Variants in MAGI2 observed in about 807,000 individuals in gnomAD.
MAGI2 encodes membrane associated guanylate kinase, WW and PDZ domain containing 2, also known as membrane-associated guanylate kinase, WW and PDZ domain-containing protein 2.
In MAGI2, 35 loss-of-function variants were observed where a neutral mutation model predicts 133.3. That is an observed-to-expected ratio of 0.26 (90% confidence interval 0.20 to 0.35). MAGI2 has a LOEUF of 0.35. Among genes scored for constraint, MAGI2 ranks in the 10% least tolerant of loss-of-function variants. The probability of loss-of-function intolerance (pLI) is 1.00; values close to 1 mark genes in which losing one functional copy is unlikely to be tolerated. For missense variants in MAGI2, 1,636 were observed against 1,863.4 expected (o/e 0.88, Z 2.25); for synonymous variants, 729 against 710.6 (o/e 1.03, Z -0.41).
intron 21 of MAGI2, among the ~76,000 whole-genome samples, chr7:78,068,536 G>A (rs996333534): frequency 5.3e-5 from 8 of 152,080 alleles, no homozygotes; most frequent in Non-Finnish European, 1.0e-4. Flanking sequence ...ATGGGGGCAG[G>A]GAGTATATGG....
chr7:79,005,014 A>T (rs892462613), intron 2 of MAGI2, among the ~76,000 whole-genome samples: 4 of 151,784 alleles, frequency 2.6e-5, no homozygotes, highest in African/African-American at 9.7e-5. Flanking sequence ...CCTGGGAGGC[A>T]GAGGTTGCAG....
intron 2 of MAGI2, among the ~76,000 whole-genome samples, chr7:78,689,673 T>TGGA (rs1226909705): frequency 1.4e-5 from 2 of 142,732 alleles, no homozygotes; most frequent in Admixed American, 1.5e-4. Flanking sequence ...TGTATCTTTT[T>TGGA]GGATCTGGCT....
chr7:78,731,152 C>A (rs1821335192), intron 2 of MAGI2, among the ~76,000 whole-genome samples: 1 of 151,960 alleles, frequency 6.6e-6, no homozygotes, highest in South Asian at 2.1e-4. Flanking sequence ...CCATTGAAGT[C>A]TTTTTTAGGT....
At chr7:78,396,295 A>G (rs772799130) in intron 6 of MAGI2, among the ~76,000 whole-genome samples, 1 of 152,168 alleles carries the variant, frequency 6.6e-6, no homozygotes, top group Non-Finnish European at 1.5e-5. Flanking sequence ...CACAGAGACT[A>G]CAGGGTCTTC....
chr7:79,115,401 G>A (rs1819304817), intron 1 of MAGI2, among the ~76,000 whole-genome samples: 1 of 152,062 alleles, frequency 6.6e-6, no homozygotes. Flanking sequence ...GAAATAGAAG[G>A]TGCTCTGTTC....
chr7:78,674,002 C>G (rs2151079013), intron 2 of MAGI2, among the ~76,000 whole-genome samples: 1 of 152,222 alleles, frequency 6.6e-6, no homozygotes, highest in Middle Eastern at 3.4e-3. Flanking sequence ...CAAACACAAA[C>G]ACAGTCTATG....
chr7:78,628,490 A>G (rs915115728), intron 2 of MAGI2, among the ~76,000 whole-genome samples: 1 of 152,128 alleles, frequency 6.6e-6, no homozygotes, highest in African/African-American at 2.4e-5. Flanking sequence ...TAAAATCTGG[A>G]CTGCAACTGA....
chr7:78,452,387 G>T (rs1209205308), intron 6 of MAGI2, among the ~76,000 whole-genome samples: 1 of 151,904 alleles, frequency 6.6e-6, no homozygotes, highest in Non-Finnish European at 1.5e-5. Flanking sequence ...GAAAACTGTG[G>T]AGCACAGTAT....
At chr7:78,752,502 CTGAGGCAGGA>C (rs980295600) in intron 2 of MAGI2, among the ~76,000 whole-genome samples, 2 of 152,116 alleles carry the variant, frequency 1.3e-5, no homozygotes, top group African/African-American at 4.8e-5. Context: ...ACTTGGGAGG[CTGAGGCAGGA>C]GAACTGCTTG....
At chr7:79,447,039 A>G (rs1052877812) in intron 1 of MAGI2, among the ~76,000 whole-genome samples, 1 of 152,274 alleles carries the variant, frequency 6.6e-6, no homozygotes, top group African/African-American at 2.4e-5. Flanking sequence ...AAAGAAGGAA[A>G]CTTTTATTGT....
chr7:78,441,528 G>T (rs1220892243), intron 6 of MAGI2, among the ~76,000 whole-genome samples: 1 of 152,106 alleles, frequency 6.6e-6, no homozygotes, highest in Non-Finnish European at 1.5e-5. Context: ...GGTTACCTAA[G>T]CTGTTTGTAA....
intron 6 of MAGI2, among the ~76,000 whole-genome samples, chr7:78,378,305 A>G (rs974198317): frequency 3.3e-5 from 5 of 152,042 alleles, no homozygotes; most frequent in African/African-American, 4.8e-5. Flanking sequence ...TGGAATACAT[A>G]AAGAAGAAGA....
chr7:79,209,104 G>T (rs1829293281), intron 1 of MAGI2, among the ~76,000 whole-genome samples: 1 of 151,874 alleles, frequency 6.6e-6, no homozygotes, highest in South Asian at 2.1e-4. Flanking sequence ...GAGACCTATT[G>T]TACAACATGG....
chr7:78,253,385 G>A (rs1792631282), intron 10 of MAGI2: 1 of 152,184 alleles, frequency 6.6e-6, no homozygotes, highest in South Asian at 2.1e-4. Context: ...GGTTACCTGG[G>A]GTTTGGGAGA....
intron 2 of MAGI2, among the ~76,000 whole-genome samples, chr7:78,675,354 C>G (rs562942313): frequency 1.6e-4 from 24 of 151,862 alleles, no homozygotes; most frequent in African/African-American, 5.8e-4. Flanking sequence ...ATGATACAGA[C>G]AGCAAGAATA....
At chr7:79,201,657 T>A in intron 1 of MAGI2, among the ~76,000 whole-genome samples, 1 of 151,964 alleles carries the variant, frequency 6.6e-6, no homozygotes. Flanking sequence ...AAGTTTGGGT[T>A]TGTTAACCCA....
At chr7:78,480,596 A>T (rs542300861) in intron 6 of MAGI2, among the ~76,000 whole-genome samples, 2 of 152,094 alleles carry the variant, frequency 1.3e-5, no homozygotes, top group South Asian at 2.1e-4. Context: ...AAATCACTCA[A>T]TGTAATCTAC....
At chr7:78,387,659 T>A (rs902899963) in intron 6 of MAGI2, among the ~76,000 whole-genome samples, 17 of 152,126 alleles carry the variant, frequency 1.1e-4, no homozygotes, top group African/African-American at 4.1e-4. Context: ...GGATGTAGTG[T>A]CTCACACCTG....
At chr7:78,445,231 T>C (rs1364730425) in intron 6 of MAGI2, among the ~76,000 whole-genome samples, 1 of 152,042 alleles carries the variant, frequency 6.6e-6, no homozygotes, top group African/African-American at 2.4e-5. Flanking sequence ...TGCAACTATC[T>C]GCCCTCCTCA....
Sources: allele counts gnomAD v4.1 joint callset (sites outside exome capture counted in the v4.1 genomes callset), GRCh38; gene constraint gnomAD v4.1.1; transcripts MANE v1.5; gene names NCBI Gene and HGNC (gene_info 2026-07-23, HGNC 2026-07-21).